CHODL: variants seen among roughly 807,000 people sequenced by gnomAD.
The protein encoded by CHODL is chondrolectin, also known as transmembrane protein MT75.
Under a neutral mutation model 34.5 loss-of-function variants are expected in CHODL, and 29 were observed. The ratio of observed to expected loss-of-function variants is 0.84; its 90% CI spans 0.63 to 1.15. The LOEUF is 1.15. CHODL is among the 50% of genes most tolerant of loss of function. The pLI, the probability that CHODL is intolerant of heterozygous loss-of-function variation, is 0.00. For missense variants in CHODL, 332 were observed against 332.5 expected, an observed-to-expected ratio of 1.00 and a Z score of 0.01; for synonymous variants, 125 against 116.1, an observed-to-expected ratio of 1.08 and a Z score of -0.49.
chr21:18,249,906 T>C (rs2074214742), intron 1 of CHODL, among the ~76,000 whole-genome samples: 1 of 152,134 alleles, frequency 6.6e-6, no homozygotes, highest in African/African-American at 2.4e-5. Context: ...GGAGCTCAGC[T>C]TGGCAAGCCC....
chr21:18,228,344 T>C (rs539228893), intron 2 of CHODL, among the ~76,000 whole-genome samples: 6 of 152,250 alleles, frequency 3.9e-5, no homozygotes, highest in Admixed American at 3.3e-4. Context: ...GTAAATCGCT[T>C]TCTCTGTCAT....
intron 1 of CHODL, among the ~76,000 whole-genome samples, chr21:17,962,594 GTTATT>G (rs1429859257): frequency 1.3e-5 from 2 of 152,286 alleles, no homozygotes; most frequent in East Asian, 3.9e-4. Context: ...GGAACAAGGA[GTTATT>G]TTATTACCAG....
chr21:18,098,190 C>G (rs1373792327), intron 2 of CHODL, among the ~76,000 whole-genome samples: 1 of 151,788 alleles, frequency 6.6e-6, no homozygotes, highest in Non-Finnish European at 1.5e-5. Flanking sequence ...CACAGGCAAC[C>G]AGAGCAAAAA....
chr21:18,133,798 A>T (rs1341421614), intron 2 of CHODL, among the ~76,000 whole-genome samples: 1 of 152,176 alleles, frequency 6.6e-6, no homozygotes, highest in Non-Finnish European at 1.5e-5. Context: ...CTTTATGAAC[A>T]TGAAGCTCAC....
At chr21:17,970,895 C>A (rs992017547) in intron 1 of CHODL, among the ~76,000 whole-genome samples, 4 of 152,170 alleles carry the variant, frequency 2.6e-5, no homozygotes, top group South Asian at 2.1e-4. Context: ...GCCCCCACCC[C>A]CCAACAGGCC....
intron 2 of CHODL, among the ~76,000 whole-genome samples, chr21:18,185,688 A>C (rs1374461203): frequency 6.6e-6 from 1 of 152,184 alleles, no homozygotes; most frequent in Non-Finnish European, 1.5e-5. Context: ...TCCTGTAATA[A>C]AATATCACAG....
intron 2 of CHODL, among the ~76,000 whole-genome samples, chr21:18,128,509 T>C (rs1023462180): frequency 1.2e-4 from 18 of 151,908 alleles, no homozygotes; most frequent in African/African-American, 4.3e-4. Flanking sequence ...AAATTAACAG[T>C]CTATGGTATA....
chr21:18,248,673 C>CATATATGTATATAATATATACAT (rs2074178059), intron 1 of CHODL, among the ~76,000 whole-genome samples: 4 of 107,316 alleles, frequency 3.7e-5, no homozygotes, highest in Non-Finnish European at 7.0e-5. Context: ...ATGTATAATA[C>CATATATGTATATAATATATACAT]ATATATGTAT....
At chr21:18,204,630 A>G (rs2073692652) in intron 2 of CHODL, among the ~76,000 whole-genome samples, 1 of 152,142 alleles carries the variant, frequency 6.6e-6, no homozygotes, top group Non-Finnish European at 1.5e-5. Context: ...CTGTCATTCT[A>G]TGATACTTGG....
chr21:18,140,878 G>A (rs577710934), intron 2 of CHODL, among the ~76,000 whole-genome samples: 12 of 151,380 alleles, frequency 7.9e-5, no homozygotes, highest in East Asian at 5.8e-4. Flanking sequence ...TTGAAAATGC[G>A]AATTTTGATA....
chr21:18,151,584 C>T (rs768916967), intron 2 of CHODL, among the ~76,000 whole-genome samples: 8 of 152,198 alleles, frequency 5.3e-5, no homozygotes, highest in Non-Finnish European at 8.8e-5. Flanking sequence ...GTCATGAGAA[C>T]TCCAGTTTTA....
chr21:18,124,125 C>T (rs1281145081), intron 2 of CHODL, among the ~76,000 whole-genome samples: 2 of 152,154 alleles, frequency 1.3e-5, no homozygotes, highest in Non-Finnish European at 2.9e-5. Flanking sequence ...TAGCCCTAGG[C>T]TGTTCACTCT....
At chr21:17,988,040 CA>C (rs2063767319) in intron 1 of CHODL, among the ~76,000 whole-genome samples, 3 of 143,748 alleles carry the variant, frequency 2.1e-5, no homozygotes, top group African/African-American at 5.4e-5. Context: ...TTATCTACTT[CA>C]AAAAAATCCC....
intron 2 of CHODL, among the ~76,000 whole-genome samples, chr21:18,227,211 C>A (rs1347303162): frequency 6.6e-6 from 1 of 152,122 alleles, no homozygotes; most frequent in Non-Finnish European, 1.5e-5. Context: ...GGCCTCACCT[C>A]CTAATACCAA....
intron 1 of CHODL, among the ~76,000 whole-genome samples, chr21:17,990,536 G>T (rs1165224210): frequency 6.6e-6 from 1 of 151,982 alleles, no homozygotes; most frequent in Non-Finnish European, 1.5e-5. Context: ...TTCCACTACG[G>T]TTTCAAGTAG....
Position 18,189,629 on chromosome 21 carries a change from A to ATTTT in CHODL, c.-44-66860_-44-66857dup, listed in dbSNP as rs35604998. ...TCAGATCAACTAATAGAAGTGGGCAATTTTTTTTTTTTTTTTTTTTTTTGA... is the reference window on the plus strand; with the variant it reads ...TCAGATCAACTAATAGAAGTGGGCAATTTTTTTTTTTTTTTTTTTTTTTTTTTGA... On this transcript the variant is annotated intron_variant, in intron 2 of 6. Transcript: ENST00000400127. Among the ~76,000 whole-genome samples, 9 of 94,604 alleles carry ATTTT rather than the reference A, an allele frequency of 9.5e-5. 1 individual carries two copies. In the East Asian group the frequency reaches 1.5e-3, roughly 15 times the overall value. The allele number at this position is 94,604 out of a possible 152,430, so 62.1% of individuals were successfully genotyped here. A position where few individuals can be genotyped will look rare whatever the true frequency, so the allele number is the denominator to read the frequency against.
In CHODL at chr21:17,922,934, T is replaced by A. The variant is rs184699504; in HGVS notation, c.-145+5534T>A. On this transcript the variant is annotated intron_variant, in intron 1 of 6. Coordinates refer to the CHODL transcript ENST00000400127. Reference sequence around the variant, plus strand: ...GAGACGGGAGACATCAGTCAACATATGAAAGATGAACATTGGTTCCTTCTG... The same window carrying A: ...GAGACGGGAGACATCAGTCAACATAAGAAAGATGAACATTGGTTCCTTCTG... Among the ~76,000 whole-genome samples, 3 of 152,202 alleles carry A rather than the reference T, an allele frequency of 2.0e-5. No homozygotes were observed. In the South Asian group the frequency reaches 6.2e-4, roughly 32 times the overall value.
At chr21:18,142,984 G>T (rs980558989) in intron 2 of CHODL, among the ~76,000 whole-genome samples, 1 of 152,130 alleles carries the variant, frequency 6.6e-6, no homozygotes, top group African/African-American at 2.4e-5. Context: ...AGAATGAGAA[G>T]ACATAATGAG....
rs143190165 is a variant in CHODL, at chr21:18,215,155, A to G, written c.-44-41354A>G. ...AGTTTGAACTCACTTTAGGTAATCC[A>G]TAAAAGGAAGAGAGAACTCAGGCTT... is the stretch of plus-strand genomic sequence containing the variant. On this transcript the variant is annotated intron_variant, in intron 2 of 6. Coordinates refer to the CHODL transcript ENST00000400127. Among the ~76,000 whole-genome samples, 39 of 152,168 alleles carry G rather than the reference A, an allele frequency of 2.6e-4. No homozygotes were observed. The East Asian group carries it at 7.3e-3, about 29-fold the overall frequency.
Sources: allele counts gnomAD v4.1 joint callset (sites outside exome capture counted in the v4.1 genomes callset), GRCh38; gene constraint gnomAD v4.1.1; transcripts MANE v1.5; gene names NCBI Gene and HGNC (gene_info 2026-07-23, HGNC 2026-07-21).